CNTN1: variants seen among roughly 807,000 people sequenced by gnomAD.
CNTN1 encodes the protein contactin-1.
A neutral mutation model predicts 126.4 loss-of-function variants in CNTN1; 38 were observed. The observed-to-expected ratio is 0.30, with a 90% CI of 0.23 to 0.39. The LOEUF is 0.39. Among genes scored for constraint, CNTN1 ranks in the 10% least tolerant of loss-of-function variants. The pLI is 1.00. For missense variants in CNTN1, 1,009 were observed against 1,248.4 expected, an observed-to-expected ratio of 0.81 and a Z score of 2.89; for synonymous variants, 413 against 422.6, an observed-to-expected ratio of 0.98 and a Z score of 0.28.
chr12:40,854,890 A>G (rs1423248893), intron 1 of CNTN1, among the ~76,000 whole-genome samples: 1 of 152,088 alleles, frequency 6.6e-6, no homozygotes, highest in Non-Finnish European at 1.5e-5. Context: ...ACGAGCCCAG[A>G]GGCAAGAGGG....
intron 1 of CNTN1, among the ~76,000 whole-genome samples, chr12:40,810,892 T>C (rs1339433343): frequency 6.6e-6 from 1 of 152,112 alleles, no homozygotes; most frequent in East Asian, 1.9e-4. Context: ...GGCATGGTGG[T>C]ACATGACTGC....
chr12:40,750,580 A>G (rs1938369277), intron 1 of CNTN1, among the ~76,000 whole-genome samples: 1 of 152,058 alleles, frequency 6.6e-6, no homozygotes, highest in African/African-American at 2.4e-5. Context: ...AGGCCAGAGG[A>G]TCGCTTGAAC....
intron 1 of CNTN1, among the ~76,000 whole-genome samples, chr12:40,734,124 C>G (rs1397689886): frequency 6.6e-6 from 1 of 152,048 alleles, no homozygotes; most frequent in Admixed American, 6.6e-5. Flanking sequence ...ATTCAGCTTT[C>G]CAAGCTAATC....
At chr12:41,011,086 G>A (rs1948641026) in intron 17 of CNTN1, among the ~76,000 whole-genome samples, 1 of 152,192 alleles carries the variant, frequency 6.6e-6, no homozygotes, top group Non-Finnish European at 1.5e-5. Flanking sequence ...AAACACTTGA[G>A]TTAAATTTTG....
At chr12:41,001,867 T>A (rs146101896) in intron 17 of CNTN1, among the ~76,000 whole-genome samples, 2 of 152,328 alleles carry the variant, frequency 1.3e-5, no homozygotes, top group East Asian at 3.9e-4. Context: ...CCAACACCAT[T>A]TATTGAATAC....
chr12:40,993,722 A>G (rs1015961864), intron 17 of CNTN1, among the ~76,000 whole-genome samples: 4 of 152,152 alleles, frequency 2.6e-5, no homozygotes, highest in African/African-American at 9.7e-5. Context: ...AAGTCGGTGG[A>G]TATTTTATGG....
intron 1 of CNTN1, among the ~76,000 whole-genome samples, chr12:40,732,283 A>G (rs1942519542): frequency 6.6e-6 from 1 of 152,034 alleles, no homozygotes; most frequent in Non-Finnish European, 1.5e-5. Flanking sequence ...AATTTCATAA[A>G]TTTAACATGT....
intron 17 of CNTN1, 72 bp downstream of exon 17, chr12:40,993,341 T>C: frequency 1.5e-6 from 2 of 1,302,616 alleles, no homozygotes; most frequent in African/African-American, 1.5e-5. Flanking sequence ...TATGGTTGAA[T>C]GTATTTGAAA....
At chr12:41,027,992 A>G in intron 22 of CNTN1, 23 bp downstream of exon 22, 1 of 1,458,784 alleles carries the variant, frequency 6.9e-7, no homozygotes, top group Non-Finnish European at 9.6e-7. Context: ...AGTGATGATT[A>G]ATGTTTGCAA....
chr12:40,738,887 A>G (rs768629288), intron 1 of CNTN1, among the ~76,000 whole-genome samples: 1 of 152,182 alleles, frequency 6.6e-6, no homozygotes, highest in East Asian at 1.9e-4. Context: ...CTGGAGCTCA[A>G]TCTGGCAATA....
chr12:40,796,508 G>T (rs992998231), intron 1 of CNTN1, among the ~76,000 whole-genome samples: 2 of 152,038 alleles, frequency 1.3e-5, no homozygotes, highest in African/African-American at 4.8e-5. Flanking sequence ...AGTGATCTAT[G>T]CTTGGGTTAA....
chr12:40,790,249 C>A (rs976435607), intron 1 of CNTN1, among the ~76,000 whole-genome samples: 2 of 152,086 alleles, frequency 1.3e-5, no homozygotes, highest in Non-Finnish European at 2.9e-5. Context: ...CCCCTTGCTT[C>A]CTCTAAAAGG....
intron 1 of CNTN1, among the ~76,000 whole-genome samples, chr12:40,768,093 C>G (rs928907689): frequency 4.6e-5 from 7 of 152,156 alleles, no homozygotes; most frequent in African/African-American, 1.7e-4. Context: ...ATTGGCTTTA[C>G]AACGTTACTC....
chr12:40,776,002 G>T (rs558415711), intron 1 of CNTN1, among the ~76,000 whole-genome samples: 2 of 151,560 alleles, frequency 1.3e-5, no homozygotes, highest in Non-Finnish European at 3.0e-5. Context: ...ATACAGTGTA[G>T]CTTATTAATT....
At chr12:40,956,190 G>C (rs1228463720) in intron 14 of CNTN1, among the ~76,000 whole-genome samples, 1 of 152,168 alleles carries the variant, frequency 6.6e-6, no homozygotes, top group East Asian at 1.9e-4. Context: ...TTCAAACAAG[G>C]CATATTTAGC....
At chr12:40,940,379 AG>A (rs1304904048) in intron 12 of CNTN1, among the ~76,000 whole-genome samples, 1 of 152,164 alleles carries the variant, frequency 6.6e-6, no homozygotes, top group Non-Finnish European at 1.5e-5. Flanking sequence ...TTCTATGCTA[AG>A]GGGCTTGGGC....
chr12:41,046,364 C>T (rs1478163130), intron 23 of CNTN1, among the ~76,000 whole-genome samples: 1 of 152,096 alleles, frequency 6.6e-6, no homozygotes, highest in East Asian at 1.9e-4. Flanking sequence ...ACATATTACT[C>T]TGTCACCAAT....
At chr12:40,998,724 A>T (rs983137572) in intron 17 of CNTN1, among the ~76,000 whole-genome samples, 1 of 152,128 alleles carries the variant, frequency 6.6e-6, no homozygotes, top group African/African-American at 2.4e-5. Context: ...TAAATATAGA[A>T]TTAATGCAGG....
intron 1 of CNTN1, among the ~76,000 whole-genome samples, chr12:40,822,925 G>C (rs1941497921): frequency 6.6e-6 from 1 of 151,940 alleles, no homozygotes; most frequent in Non-Finnish European, 1.5e-5. Flanking sequence ...TATATTCTCT[G>C]GTGTTTGTTG....
Sources: gnomAD v4.1 joint callset for allele counts (sites outside exome capture counted in the v4.1 genomes callset) on GRCh38, gnomAD v4.1.1 for gene constraint, MANE v1.5 for transcripts, NCBI Gene and HGNC (gene_info 2026-07-23, HGNC 2026-07-21) for gene names.